Variants in KCNB2 observed in about 807,000 individuals in gnomAD.
KCNB2 encodes the protein potassium voltage-gated channel subfamily B member 2.
In KCNB2, 15 loss-of-function variants were observed where a neutral mutation model predicts 61.5. That is an observed-to-expected ratio of 0.24 (90% confidence interval 0.16 to 0.38). The LOEUF (loss-of-function observed/expected upper bound fraction) is 0.38, where lower values mean the gene tolerates loss of function less well. KCNB2 is among the 10% of genes least tolerant of loss of function. KCNB2 has a pLI of 1.00. For synonymous variants in KCNB2, 457 were observed against 446.0 expected (o/e 1.02, Z -0.31); for missense variants, 828 against 1,125.2 (o/e 0.74, Z 3.78).
At chr8:72,709,376 C>T (rs1166716423) in intron 2 of KCNB2, among the ~76,000 whole-genome samples, 1 of 151,974 alleles carries the variant, frequency 6.6e-6, no homozygotes, top group African/African-American at 2.4e-5. Context: ...TTTTGCATCA[C>T]TATAAAGGTA....
chr8:72,749,946 T>C (rs1485129887), intron 2 of KCNB2, among the ~76,000 whole-genome samples: 1 of 150,444 alleles, frequency 6.6e-6, no homozygotes, highest in African/African-American at 2.4e-5. Context: ...TGTAGAATAT[T>C]AGTAATATCT....
At chr8:72,639,025 A>G (rs1806011581) in intron 2 of KCNB2, among the ~76,000 whole-genome samples, 1 of 152,140 alleles carries the variant, frequency 6.6e-6, no homozygotes, top group Non-Finnish European at 1.5e-5. Context: ...TGCTTAAATC[A>G]TCACCTATAA....
At chr8:72,865,297 A>G (rs1805496826) in intron 2 of KCNB2, among the ~76,000 whole-genome samples, 1 of 151,990 alleles carries the variant, frequency 6.6e-6, no homozygotes, top group Non-Finnish European at 1.5e-5. Context: ...TCCCTCCACC[A>G]GGACCAGATA....
At position 72,782,633 on chromosome 8, in the gene KCNB2, C is replaced by T. The variant is rs1808780522; in HGVS notation, c.580-153302C>T. Among the ~76,000 whole-genome samples, 2 of 152,146 alleles carry T rather than the reference C, an allele frequency of 1.3e-5. 1 individual carries two copies. Among genetic ancestry groups the T allele is most frequent in the South Asian group, 4.2e-4 (2 of 4,816 alleles). On this transcript the variant is annotated intron_variant, in intron 2 of 2. Transcript: ENST00000523207. Reference sequence around the variant, plus strand: ...CCACTGCTTTTATGAGACCCCCATCCTTCTAAGCTATCCATTCTAAGTGGC... The same window carrying T: ...CCACTGCTTTTATGAGACCCCCATCTTTCTAAGCTATCCATTCTAAGTGGC...
chr8:72,741,280 C>A lies in KCNB2; in HGVS notation c.579+172967C>A, dbSNP rs535679110. Among the ~76,000 whole-genome samples the A allele has an allele frequency of 9.9e-5, 15 of 152,186 alleles. No homozygotes were observed. In the South Asian group the frequency reaches 2.3e-3, roughly 23 times the overall value. On this transcript the variant is annotated intron_variant, in intron 2 of 2. Coordinates refer to ENST00000523207, the MANE Select transcript of KCNB2 (RefSeq NM_004770.3). The stretch of plus-strand genomic sequence containing the variant: ...TTCCATGTACCTTTGTACTTAGGAG[C>A]CTTACCTTTGAAAATCTCCTTCTGC...
intron 2 of KCNB2, among the ~76,000 whole-genome samples, chr8:72,851,088 C>T (rs767869995): frequency 2.2e-4 from 2 of 9,124 alleles, no homozygotes; most frequent in East Asian, 1.2e-3. Flanking sequence ...CATTATCTTC[C>T]TAGAAGCTAA....
chr8:72,687,564 G>A (rs1238057506), intron 2 of KCNB2, among the ~76,000 whole-genome samples: 1 of 152,108 alleles, frequency 6.6e-6, no homozygotes, highest in Non-Finnish European at 1.5e-5. Flanking sequence ...TAAAACTGCA[G>A]CAATGAAAAT....
intron 1 of KCNB2, among the ~76,000 whole-genome samples, chr8:72,541,523 A>G (rs1220633737): frequency 1.3e-5 from 2 of 152,114 alleles, no homozygotes; most frequent in African/African-American, 4.8e-5. Context: ...AGTGTTAAAA[A>G]CGAGCCCAGG....
intron 1 of KCNB2, among the ~76,000 whole-genome samples, chr8:72,547,304 G>C (rs2128976959): frequency 6.6e-6 from 1 of 152,274 alleles, no homozygotes; most frequent in East Asian, 1.9e-4. Flanking sequence ...TATCCACTCT[G>C]CAGCTCATGG....
At chr8:72,689,110 G>A (rs1806901856) in intron 2 of KCNB2, among the ~76,000 whole-genome samples, 1 of 152,064 alleles carries the variant, frequency 6.6e-6, no homozygotes, top group Admixed American at 6.6e-5. Context: ...TGGTATAGAT[G>A]GAAGTAGATA....
At chr8:72,590,194 G>A (rs960870713) in intron 2 of KCNB2, among the ~76,000 whole-genome samples, 4 of 152,122 alleles carry the variant, frequency 2.6e-5, no homozygotes, top group African/African-American at 4.8e-5. Context: ...GTAATTTAAT[G>A]ACCTAAGAAT....
intron 2 of KCNB2, among the ~76,000 whole-genome samples, chr8:72,727,261 CT>C (rs1377163747): frequency 6.6e-6 from 1 of 152,130 alleles, no homozygotes; most frequent in Non-Finnish European, 1.5e-5. Flanking sequence ...ACTCATTTGC[CT>C]AATTTCCACA....
intron 2 of KCNB2, among the ~76,000 whole-genome samples, chr8:72,870,648 C>G (rs1805601473): frequency 6.6e-6 from 1 of 152,098 alleles, no homozygotes; most frequent in Non-Finnish European, 1.5e-5. Context: ...TTTGGCTTCC[C>G]CATAAGTTGT....
intron 2 of KCNB2, among the ~76,000 whole-genome samples, chr8:72,915,585 A>G (rs915720040): frequency 1.3e-5 from 2 of 152,174 alleles, no homozygotes; most frequent in African/African-American, 4.8e-5. Context: ...TTTAATTTCC[A>G]AGTGGAAAAA....
intron 1 of KCNB2, among the ~76,000 whole-genome samples, chr8:72,550,911 G>A (rs547248034): frequency 6.6e-6 from 1 of 152,292 alleles, no homozygotes; most frequent in Admixed American, 6.5e-5. Context: ...AGGGCTGACA[G>A]AGACAGGCAG....
At chr8:72,825,554 CTTG>C (rs1310069205) in intron 2 of KCNB2, among the ~76,000 whole-genome samples, 1 of 152,134 alleles carries the variant, frequency 6.6e-6, no homozygotes. Context: ...CTCCCTGATG[CTTG>C]TTATTTTCTG....
At chr8:72,855,183 C>T (rs1017090161) in intron 2 of KCNB2, among the ~76,000 whole-genome samples, 1 of 152,184 alleles carries the variant, frequency 6.6e-6, no homozygotes, top group Non-Finnish European at 1.5e-5. Context: ...AATCCATCGT[C>T]CACAGTAGCT....
chr8:72,578,489 A>G (rs1196566782), intron 2 of KCNB2, among the ~76,000 whole-genome samples: 3 of 152,220 alleles, frequency 2.0e-5, no homozygotes, highest in South Asian at 2.1e-4. Flanking sequence ...ATTGTGTTAT[A>G]TAAGTAAAGT....
chr8:72,912,607 A>C (rs1237963593), intron 2 of KCNB2, among the ~76,000 whole-genome samples: 1 of 151,466 alleles, frequency 6.6e-6, no homozygotes, highest in Non-Finnish European at 1.5e-5. Context: ...TGTTCTGAGC[A>C]GTTTAGATAA....
Sources: gnomAD v4.1 joint callset for allele counts (sites outside exome capture counted in the v4.1 genomes callset) on GRCh38, gnomAD v4.1.1 for gene constraint, MANE v1.5 for transcripts, NCBI Gene and HGNC (gene_info 2026-07-23, HGNC 2026-07-21) for gene names.